The following WTIP variants were observed in gnomAD, a reference collection of about 807,000 sequenced individuals.
WTIP encodes Wilms tumor protein 1-interacting protein.
WTIP carries 23 observed loss-of-function variants against 41.7 expected under a neutral mutation model. The ratio of observed to expected loss-of-function variants is 0.55; its 90% CI spans 0.40 to 0.78. The LOEUF is 0.78. WTIP is among the 30% of genes least tolerant of loss of function. The pLI, the probability that WTIP is intolerant of heterozygous loss-of-function variation, is 0.00. For missense variants in WTIP, 619 were observed against 610.5 expected (o/e 1.01, Z -0.15); for synonymous variants, 314 against 269.9 (o/e 1.16, Z -1.60).
Position 34,506,210 on chromosome 19 carries a change from C to T in WTIP, c.*5941C>T, listed in dbSNP as rs1215087385. ...TGAGTGACTTTTCTCTTGCTGCCGT[C>T]AAGATTCCTGGCTGTGGATTGGATG... is the stretch of plus-strand genomic sequence containing the variant. On this transcript the variant is annotated 3_prime_UTR_variant, in exon 8 of 8. Coordinates refer to ENST00000590071, the MANE Select transcript of WTIP (RefSeq NM_001080436.2). 6.6e-6 allele frequency: 1 copy of T among 152,250 alleles called. No individual in the cohort carries two copies. Among genetic ancestry groups the T allele is most frequent in the Non-Finnish European group, 1.5e-5 (1 of 68,062 alleles). The allele number at this position is 152,250 out of a possible 1,614,324, so 9.4% of individuals were successfully genotyped here. A position where few individuals can be genotyped will look rare whatever the true frequency, so the allele number is the denominator to read the frequency against.
In WTIP at chr19:34,502,686, C is replaced by G. The variant is rs991021190; in HGVS notation, c.*2417C>G. 1 of 152,374 alleles carries G rather than the reference C, an allele frequency of 6.6e-6. No individual in the cohort carries two copies. The highest frequency in any genetic ancestry group is 6.5e-5 in the Admixed American group (1 of 15,296). 9.4% of individuals were successfully genotyped at this position (152,374 alleles called of 1,614,324 possible). ...CCATCCGCCTTGACCTTCCAAAGTT[C>G]TGGGATTACAGGCGTGAGCCACTGT... On this transcript the variant is annotated 3_prime_UTR_variant, in exon 8 of 8. Transcript: ENST00000590071.
chr19:34,482,322 G>A lies in WTIP; in HGVS notation c.348G>A (p.Gln116=), dbSNP rs1325331918. 1.4e-6 allele frequency: 2 copies of A among 1,383,120 alleles called. No homozygotes were observed. The highest frequency in any genetic ancestry group is 1.9e-6 in the Non-Finnish European group (2 of 1,062,320). 85.7% of individuals were successfully genotyped at this position (1,383,120 alleles called of 1,614,324 possible). A position where few individuals can be genotyped will look rare whatever the true frequency, so the allele number is the denominator to read the frequency against. The change falls in exon 1 of 8, where the codon CAG becomes CAA. Residue 116 remains glutamine (Q), a synonymous_variant. Coordinates refer to ENST00000590071, the MANE Select transcript of WTIP (RefSeq NM_001080436.2). ...GCGGCATCAGCCTGGGCTACGACCA[G>A]CGCCACGGCAGCCCGCGCTCCGGTC... The part of the protein sequence containing the change: ...RSSGISLGYD[Q]RHGSPRSGRS...
rs1042647932 is a variant in WTIP, at chr19:34,500,365, A to G, written c.*96A>G. ...GTCAGCGTCAGGGGAGCTCCCTCCA[A>G]TCAGTTTCCCACCGAGCTGCTGTCT... On this transcript the variant is annotated 3_prime_UTR_variant, in exon 8 of 8. Transcript: ENST00000590071. The G allele has an allele frequency of 1.3e-4, 178 of 1,388,122 alleles. No homozygotes were observed. Among genetic ancestry groups the G allele is most frequent in the Non-Finnish European group, 1.6e-4 (166 of 1,058,988 alleles). The allele number at this position is 1,388,122 out of a possible 1,614,324, so 86.0% of individuals were successfully genotyped here.
rs1013221837 is a variant in WTIP, at chr19:34,499,995, C to T, written c.1153-134C>T. Reference sequence around the variant, plus strand: ...GGATTACAGGTGTGAGCCCCTGCGCCCGGCGGAAGAGTCTTCATGTTGTTT... The same window carrying T: ...GGATTACAGGTGTGAGCCCCTGCGCTCGGCGGAAGAGTCTTCATGTTGTTT... On this transcript the variant is annotated intron_variant, in intron 7 of 7. Coordinates refer to ENST00000590071, the MANE Select transcript of WTIP (RefSeq NM_001080436.2). The T allele has an allele frequency of 1.1e-5, 15 of 1,318,814 alleles. No individual in the cohort carries two copies. In the African/African-American group the frequency reaches 2.2e-4, roughly 19 times the overall value. The allele number at this position is 1,318,814 out of a possible 1,614,324, so 81.7% of individuals were successfully genotyped here.
rs751940967 is a variant in WTIP, at chr19:34,493,479, G to GC, written c.901-9dup. The GC allele has an allele frequency of 6.2e-7, 1 of 1,613,112 alleles. No individual in the cohort carries two copies. The highest frequency in any genetic ancestry group is 8.5e-7 in the Non-Finnish European group (1 of 1,179,740). On this transcript the variant is annotated splice_polypyrimidine_tract_variant and intron_variant, in intron 4 of 7. Transcript: ENST00000590071. This position sits in a 1 kb window ranked among gnomAD's most constrained non-coding sequence, Gnocchi z 4.1. ...CCTGCCCGCGCTGACCCCTCAGTGT[G>GC]CCCCGCCCACAGATCCTGCAGGCCC...
rs187516827 is a variant in WTIP, at chr19:34,496,174, T to A, written c.1152+403T>A. The stretch of plus-strand genomic sequence containing the variant: ...CTCTGTCTCAAAAAAAATTTTTTTT[T>A]AAAATTTTTATTTATTAGAGACAAG... On this transcript the variant is annotated intron_variant, in intron 7 of 7. Coordinates refer to ENST00000590071, the MANE Select transcript of WTIP (RefSeq NM_001080436.2). Among the ~76,000 whole-genome samples the A allele has an allele frequency of 4.5e-4, 69 of 152,218 alleles. No homozygotes were observed. The East Asian group carries it at 5.4e-3, about 12-fold the overall frequency.
At chr19:34,486,929 T>G (rs2075800810) in intron 1 of WTIP, among the ~76,000 whole-genome samples, 1 of 114,100 alleles carries the variant, frequency 8.8e-6, no homozygotes, top group South Asian at 2.5e-4. Context: ...CCTTTGTTTC[T>G]TTTTAATTTT....
At position 34,482,272 on chromosome 19, in the gene WTIP, G is replaced by A; in HGVS notation, c.298G>A (p.Gly100Ser). The A allele has an allele frequency of 7.7e-7, 1 of 1,306,140 alleles. No homozygotes were observed. The highest frequency in any genetic ancestry group is 9.8e-7 in the Non-Finnish European group (1 of 1,020,242). 80.9% of individuals were successfully genotyped at this position (1,306,140 alleles called of 1,614,324 possible). A position where few individuals can be genotyped will look rare whatever the true frequency, so the allele number is the denominator to read the frequency against. ...CAGCCTGGCGGGGTCCGACGGCGGCGGCGGTGGCGGCAGCGCCCGATCCAG... is the reference window on the plus strand; with the variant it reads ...CAGCCTGGCGGGGTCCGACGGCGGCAGCGGTGGCGGCAGCGCCCGATCCAG... ...RASLAGSDGG[G>S]GGGSARSSGI... The change falls in exon 1 of 8, where the codon GGC (glycine) becomes AGC (serine). Residue 100 changes from glycine to serine, a missense_variant. Physicochemically the swap from Gly to Ser is moderately conservative, Grantham distance 56. Around this residue, in one of 3 missense-constraint regions of WTIP, gnomAD observed 363 missense variants for 309.0 expected, o/e 1.17. Transcript: ENST00000590071.
chr19:34,484,366 G>T (rs950829475), intron 1 of WTIP, among the ~76,000 whole-genome samples: 3 of 152,162 alleles, frequency 2.0e-5, no homozygotes, highest in African/African-American at 4.8e-5. Context: ...AGCCCAGAGG[G>T]CTCAGGTGGT....
chr19:34,500,217 G>T lies in WTIP; in HGVS notation c.1241G>T (p.Arg414Leu). The T allele has an allele frequency of 6.2e-7, 1 of 1,606,980 alleles. No homozygotes were observed. Residue 414 changes from arginine (R) to leucine (L), a missense_variant, in exon 8 of 8, where the codon CGC (arginine) becomes CTC (leucine). Around this residue, in one of 3 missense-constraint regions of WTIP, gnomAD observed 92 missense variants for 82.4 expected, o/e 1.12. Coordinates refer to ENST00000590071, the MANE Select transcript of WTIP (RefSeq NM_001080436.2). ...CTGTGTCGTCGTTGCCACCTGCGGC[G>T]CCTCCAACCTGGGCCTCTTCCCTCA... Reference protein sequence around the residue: ...HLLCRRCHLRRLQPGPLPSPT... With the variant: ...HLLCRRCHLRLLQPGPLPSPT...
intron 1 of WTIP, among the ~76,000 whole-genome samples, chr19:34,489,235 G>A (rs963608688): frequency 1.5e-5 from 2 of 133,496 alleles, no homozygotes; most frequent in African/African-American, 5.6e-5. Flanking sequence ...TGCATCTAAC[G>A]CCGTAGCACT....
chr19:34,488,531 ATT>A (rs1366742300), intron 1 of WTIP, among the ~76,000 whole-genome samples: 2 of 150,646 alleles, frequency 1.3e-5, no homozygotes, highest in South Asian at 4.2e-4. Flanking sequence ...ATGCCTGGAT[ATT>A]TTTAAAAATT....
chr19:34,495,133 C>T (rs367653996), intron 6 of WTIP, among the ~76,000 whole-genome samples: 11 of 152,158 alleles, frequency 7.2e-5, no homozygotes, highest in African/African-American at 1.7e-4. Flanking sequence ...CAGGGGCCCA[C>T]GCCTGTAATC....
At chr19:34,490,722 G>A (rs535997512) in intron 2 of WTIP, among the ~76,000 whole-genome samples, 1 of 152,366 alleles carries the variant, frequency 6.6e-6, no homozygotes, top group African/African-American at 2.4e-5. Context: ...GGGCACTAAT[G>A]CGCTCATGTC....
rs755259965 is a variant in WTIP, at chr19:34,511,576, G to A, written c.*11307G>A. 6.6e-6 allele frequency: 1 copy of A among 152,192 alleles called. No individual in the cohort carries two copies. Among genetic ancestry groups the A allele is most frequent in the Non-Finnish European group, 1.5e-5 (1 of 68,032 alleles). 9.4% of individuals were successfully genotyped at this position (152,192 alleles called of 1,614,324 possible). On this transcript the variant is annotated 3_prime_UTR_variant, in exon 8 of 8. Transcript: ENST00000590071. The stretch of plus-strand genomic sequence containing the variant: ...TGAAAATGGCAGGCCAAGGGTTCCT[G>A]CCTTTGGATGCACATGGCCACCTTG...
At chr19:34,498,045 CGGTAGCAGGGCCCAGCCAGTG>C (rs1309365763) in intron 7 of WTIP, among the ~76,000 whole-genome samples, 1 of 152,070 alleles carries the variant, frequency 6.6e-6, no homozygotes, top group African/African-American at 2.4e-5. Flanking sequence ...GTGCAGCGGT[CGGTAGCAGGGCCCAGCCAGTG>C]GCCTGTGGTG....
intron 1 of WTIP, among the ~76,000 whole-genome samples, chr19:34,486,585 T>C (rs965607084): frequency 6.6e-6 from 1 of 152,092 alleles, no homozygotes; most frequent in Non-Finnish European, 1.5e-5. Context: ...ACCAGGATGG[T>C]CTCATCTCCT....
intron 6 of WTIP, 125 bp downstream of exon 6, chr19:34,494,762 C>T: frequency 1.1e-6 from 1 of 946,970 alleles, no homozygotes; most frequent in Non-Finnish European, 1.6e-6. Context: ...CTCCGCAGAT[C>T]TTTCAGGGCT....
intron 2 of WTIP, 131 bp downstream of exon 2, chr19:34,490,608 G>A: frequency 1.0e-6 from 1 of 959,922 alleles, no homozygotes; most frequent in Admixed American, 2.2e-5. Context: ...GGGCTGTGGA[G>A]GACTCTGTCT....
Sources: allele counts gnomAD v4.1 joint callset (sites outside exome capture counted in the v4.1 genomes callset), GRCh38; gene constraint gnomAD v4.1.1; regional missense constraint gnomAD v4.1.1; non-coding constraint Gnocchi (gnomAD v3.1); transcripts MANE v1.5; gene names NCBI Gene and HGNC (gene_info 2026-07-23, HGNC 2026-07-21).